Variants in AGAP1 observed in about 807,000 individuals in gnomAD.
AGAP1 encodes ArfGAP with GTPase domain, ankyrin repeat and PH domain 1.
In AGAP1, 29 loss-of-function variants were observed where a neutral mutation model predicts 105.3. The observed-to-expected ratio is 0.28, with a 90% CI of 0.21 to 0.38. The LOEUF (loss-of-function observed/expected upper bound fraction) is 0.38, where lower values mean the gene tolerates loss of function less well. Among genes scored for constraint, AGAP1 ranks in the 10% least tolerant of loss-of-function variants. The pLI, the probability that AGAP1 is intolerant of heterozygous loss-of-function variation, is 1.00. For missense variants in AGAP1, 998 were observed against 1,165.1 expected (o/e 0.86, Z 2.09); for synonymous variants, 509 against 485.9 (o/e 1.05, Z -0.63).
In AGAP1 at chr2:235,893,259, A is replaced by C. The variant is rs2050633508; in HGVS notation, c.1155+9810A>C. Reference sequence around the variant, plus strand: ...GTAGCGCGGGTGTGCCATGTCCATCATAAGGAAGCGCCGTGTCTGTAGCGT... The same window carrying C: ...GTAGCGCGGGTGTGCCATGTCCATCCTAAGGAAGCGCCGTGTCTGTAGCGT... On this transcript the variant is annotated intron_variant, in intron 10 of 17. Transcript: ENST00000304032. The surrounding 1 kb of genome is among the most constrained non-coding windows in gnomAD (Gnocchi z 4.7). Among the ~76,000 whole-genome samples, 1 of 150,374 alleles carries C rather than the reference A, an allele frequency of 6.7e-6. No individual in the cohort carries two copies. Among genetic ancestry groups the C allele is most frequent in the Non-Finnish European group, 1.5e-5 (1 of 67,722 alleles).
chr2:235,611,010 T>C lies in AGAP1; in HGVS notation c.164-98169T>C, dbSNP rs1946107822. The stretch of plus-strand genomic sequence containing the variant: ...AAGGCACCGTCTTCCTCATTGAAAC[T>C]GTGCCCATGACCTCCGGAAGCCTGC... On this transcript the variant is annotated intron_variant, in intron 1 of 17. Transcript: ENST00000304032. This position sits in a 1 kb window ranked among gnomAD's most constrained non-coding sequence, Gnocchi z 5.0. 6.6e-6 allele frequency among the ~76,000 whole-genome samples: 1 copy of C among 152,258 alleles called. No individual in the cohort carries two copies. Among genetic ancestry groups the C allele is most frequent in the Admixed American group, 6.5e-5 (1 of 15,288 alleles).
At chr2:235,949,258 C>T (rs141118967) in intron 12 of AGAP1, among the ~76,000 whole-genome samples, 167 of 152,244 alleles carry the variant, frequency 1.1e-3, no homozygotes, top group African/African-American at 3.7e-3. Context: ...AGCGTCATGT[C>T]GGCACTCAAA....
In AGAP1 at chr2:236,000,065, G is replaced by A. The variant is rs947036962; in HGVS notation, c.1645+31442G>A. ...AGTGTCCTCACGTGCAGGCGTCCTC[G>A]AAGGTTTGTTTGTTAGTAGCCATAA... On this transcript the variant is annotated intron_variant, in intron 13 of 17. Coordinates refer to ENST00000304032, the MANE Select transcript of AGAP1 (RefSeq NM_001037131.3). The surrounding 1 kb of genome is among the most constrained non-coding windows in gnomAD (Gnocchi z 4.3). Among the ~76,000 whole-genome samples, 23 of 152,250 alleles carry A rather than the reference G, an allele frequency of 1.5e-4. No individual in the cohort carries two copies. Among genetic ancestry groups the A allele is most frequent in the Admixed American group, 1.2e-3 (19 of 15,292 alleles).
At chr2:235,531,967 C>T (rs1943060328) in intron 1 of AGAP1, among the ~76,000 whole-genome samples, 1 of 152,080 alleles carries the variant, frequency 6.6e-6, no homozygotes, top group Non-Finnish European at 1.5e-5. Flanking sequence ...TGGCTGTCCG[C>T]ATTAGATCGG....
intron 9 of AGAP1, among the ~76,000 whole-genome samples, chr2:235,819,959 A>C (rs1189222351): frequency 7.2e-6 from 1 of 139,686 alleles, no homozygotes; most frequent in East Asian, 2.1e-4. Flanking sequence ...GCTGGAGTGC[A>C]ATGGTGCGAT....
rs1947232000 is a variant in AGAP1 at position 235,642,511 on chromosome 2, T to G, written c.164-66668T>G. ...TTTTGCCAGCACTCCCAGTGGACAG[T>G]CATGCCTGGACTTGTCTTCTCCACC... is the stretch of plus-strand genomic sequence containing the variant. On this transcript the variant is annotated intron_variant, in intron 1 of 17. Transcript: ENST00000304032. This position sits in a 1 kb window ranked among gnomAD's most constrained non-coding sequence, Gnocchi z 4.1. 6.6e-6 allele frequency among the ~76,000 whole-genome samples: 1 copy of G among 152,158 alleles called. No individual in the cohort carries two copies. The highest frequency in any genetic ancestry group is 1.9e-4 in the East Asian group (1 of 5,168).
chr2:235,606,945 G>C (rs1190873365), intron 1 of AGAP1, among the ~76,000 whole-genome samples: 1 of 61,942 alleles, frequency 1.6e-5, no homozygotes, highest in African/African-American at 6.1e-5. Context: ...ACTGCCTCTT[G>C]AAAAAAAAAA....
At chr2:236,071,810 G>C (rs1465896100) in intron 16 of AGAP1, among the ~76,000 whole-genome samples, 1 of 152,192 alleles carries the variant, frequency 6.6e-6, no homozygotes, top group Non-Finnish European at 1.5e-5. Flanking sequence ...CCCTGTTCAG[G>C]GTCTTCTGGA....
intron 16 of AGAP1, among the ~76,000 whole-genome samples, chr2:236,112,145 G>T (rs1283320627): frequency 2.6e-5 from 4 of 152,156 alleles, no homozygotes; most frequent in African/African-American, 9.7e-5. Flanking sequence ...GCCAGGCGTG[G>T]TGGCTCACAC....
At position 235,843,163 on chromosome 2, in the gene AGAP1, A is replaced by G. The variant is rs1015170556; in HGVS notation, c.1050+35832A>G. ...AAATCTGCCTGTGAAGTCGCTGTTC[A>G]TCCCTGCAGGCTCCCTGTACCCCCA... On this transcript the variant is annotated intron_variant, in intron 9 of 17. Coordinates refer to ENST00000304032, the MANE Select transcript of AGAP1 (RefSeq NM_001037131.3). This position sits in a 1 kb window ranked among gnomAD's most constrained non-coding sequence, Gnocchi z 5.9. Among the ~76,000 whole-genome samples, 1 of 152,212 alleles carries G rather than the reference A, an allele frequency of 6.6e-6. No homozygotes were observed. Among genetic ancestry groups the G allele is most frequent in the South Asian group, 2.1e-4 (1 of 4,824 alleles).
Position 235,919,618 on chromosome 2 carries a change from G to C in AGAP1, c.1324+10712G>C, listed in dbSNP as rs1575780086. On this transcript the variant is annotated intron_variant, in intron 11 of 17. Transcript: ENST00000304032. The surrounding 1 kb of genome is among the most constrained non-coding windows in gnomAD (Gnocchi z 4.1). ...TCAGGATAGAGCTGTGGGGCCACCT[G>C]CTCCTGGAAGGGGACTGTAAAATTC... 6.6e-6 allele frequency among the ~76,000 whole-genome samples: 1 copy of C among 152,288 alleles called. No homozygotes were observed. Among genetic ancestry groups the C allele is most frequent in the Middle Eastern group, 3.4e-3 (1 of 294 alleles).
In AGAP1 at chr2:235,893,305, G is replaced by A. The variant is rs146469236; in HGVS notation, c.1155+9856G>A. ...AGCGTGGGTGTAGCGTGTCTGTGGC[G>A]CAGGTGTGCCGTGTCTGTGGCATGG... On this transcript the variant is annotated intron_variant, in intron 10 of 17. Transcript: ENST00000304032. This position sits in a 1 kb window ranked among gnomAD's most constrained non-coding sequence, Gnocchi z 4.7. Among the ~76,000 whole-genome samples, 23 of 151,170 alleles carry A rather than the reference G, an allele frequency of 1.5e-4. No individual in the cohort carries two copies. Among genetic ancestry groups the A allele is most frequent in the Admixed American group, 4.6e-4 (7 of 15,198 alleles).
At position 235,559,993 on chromosome 2, in the gene AGAP1, A is replaced by T. The variant is rs1194562862; in HGVS notation, c.163+65144A>T. Among the ~76,000 whole-genome samples, 1 of 151,994 alleles carries T rather than the reference A, an allele frequency of 6.6e-6. No homozygotes were observed. Among genetic ancestry groups the T allele is most frequent in the Non-Finnish European group, 1.5e-5 (1 of 68,008 alleles). Reference sequence around the variant, plus strand: ...GTACTAAAGCTTTTAATTTTAATGAAATCTAATTTACCTGTTTTTTCTTTG... The same window carrying T: ...GTACTAAAGCTTTTAATTTTAATGATATCTAATTTACCTGTTTTTTCTTTG... On this transcript the variant is annotated intron_variant, in intron 1 of 17. Transcript: ENST00000304032. The surrounding 1 kb of genome is among the most constrained non-coding windows in gnomAD (Gnocchi z 5.7).
intron 1 of AGAP1, among the ~76,000 whole-genome samples, chr2:235,522,906 A>G (rs1942677320): frequency 6.6e-6 from 1 of 152,194 alleles, no homozygotes; most frequent in South Asian, 2.1e-4. Context: ...TGGGTTTGGC[A>G]GTTGGCATGG....
In AGAP1 at chr2:235,600,336, C is replaced by G. The variant is rs1169138653; in HGVS notation, c.163+105487C>G. Reference sequence around the variant, plus strand: ...ACCTTTTCAGCCTGCATGGACTGTGCTGGAAACACTCAGTAGCAACTCAGG... The same window carrying G: ...ACCTTTTCAGCCTGCATGGACTGTGGTGGAAACACTCAGTAGCAACTCAGG... On this transcript the variant is annotated intron_variant, in intron 1 of 17. Coordinates refer to ENST00000304032, the MANE Select transcript of AGAP1 (RefSeq NM_001037131.3). The surrounding 1 kb of genome is among the most constrained non-coding windows in gnomAD (Gnocchi z 4.8). Among the ~76,000 whole-genome samples the G allele has an allele frequency of 6.6e-6, 1 of 152,122 alleles. No homozygotes were observed. The highest frequency in any genetic ancestry group is 1.5e-5 in the Non-Finnish European group (1 of 68,014).
rs1374433437 is a variant in AGAP1 at position 236,003,097 on chromosome 2, C to T, written c.1646-33464C>T. 1.3e-5 allele frequency among the ~76,000 whole-genome samples: 2 copies of T among 152,194 alleles called. No homozygotes were observed. Among genetic ancestry groups the T allele is most frequent in the Non-Finnish European group, 2.9e-5 (2 of 68,042 alleles). ...TTGATCTATTGCCCAGGCTGGAGTG[C>T]AGTGGCACGGTCTCAGCTCTTACTG... On this transcript the variant is annotated intron_variant, in intron 13 of 17. Coordinates refer to ENST00000304032, the MANE Select transcript of AGAP1 (RefSeq NM_001037131.3). The surrounding 1 kb of genome is among the most constrained non-coding windows in gnomAD (Gnocchi z 4.2).
chr2:235,707,790 G>A (rs770960670), intron 1 of AGAP1, among the ~76,000 whole-genome samples: 17 of 150,838 alleles, frequency 1.1e-4, no homozygotes, highest in Non-Finnish European at 2.1e-4. Context: ...CCTCCCCAGC[G>A]TGTGACCTGG....
rs1943747812 is a variant in AGAP1, at chr2:235,549,841, G to A, written c.163+54992G>A. 6.6e-6 allele frequency among the ~76,000 whole-genome samples: 1 copy of A among 152,082 alleles called. No individual in the cohort carries two copies. Among genetic ancestry groups the A allele is most frequent in the South Asian group, 2.1e-4 (1 of 4,816 alleles). The stretch of plus-strand genomic sequence containing the variant: ...CATCTCACCGCGGCCTAACATCCCC[G>A]GGAGCATGGGGATTAGTGGAGTGAG... On this transcript the variant is annotated intron_variant, in intron 1 of 17. Transcript: ENST00000304032. This position sits in a 1 kb window ranked among gnomAD's most constrained non-coding sequence, Gnocchi z 4.2.
In AGAP1 at chr2:235,705,072, G is replaced by A. The variant is rs1029453254; in HGVS notation, c.164-4107G>A. Among the ~76,000 whole-genome samples, 5 of 131,994 alleles carry A rather than the reference G, an allele frequency of 3.8e-5. No homozygotes were observed. Among genetic ancestry groups the A allele is most frequent in the African/African-American group, 1.1e-4 (4 of 35,574 alleles). 86.6% of individuals were successfully genotyped at this position (131,994 alleles called of 152,430 possible). ...CGGCTCGCTGCAACCTCTACCTCCC[G>A]GGTTCAAGCACTTCTCCTGCCTCAG... On this transcript the variant is annotated intron_variant, in intron 1 of 17. Coordinates refer to ENST00000304032, the MANE Select transcript of AGAP1 (RefSeq NM_001037131.3). The surrounding 1 kb of genome is among the most constrained non-coding windows in gnomAD (Gnocchi z 4.9).
Sources: allele counts gnomAD v4.1 joint callset (sites outside exome capture counted in the v4.1 genomes callset), GRCh38; gene constraint gnomAD v4.1.1; non-coding constraint Gnocchi (gnomAD v3.1); transcripts MANE v1.5; gene names NCBI Gene and HGNC (gene_info 2026-07-23, HGNC 2026-07-21).